The following DDX60 variants were observed in gnomAD, a reference collection of about 807,000 sequenced individuals.
DDX60 encodes DExD/H-box helicase 60, also known as probable ATP-dependent RNA helicase DDX60.
Under a neutral mutation model 212.8 loss-of-function variants are expected in DDX60, and 165 were observed. That is an observed-to-expected ratio of 0.78 (90% confidence interval 0.68 to 0.88). DDX60 has a LOEUF of 0.88. DDX60 is among the 40% of genes least tolerant of loss of function. DDX60 has a pLI of 0.00. For missense variants in DDX60, 1,905 were observed against 2,003.9 expected, an observed-to-expected ratio of 0.95 and a Z score of 0.94; for synonymous variants, 703 against 685.3, an observed-to-expected ratio of 1.03 and a Z score of -0.40.
chr4:168,261,443 A>G (rs1734619652), intron 24 of DDX60, among the ~76,000 whole-genome samples: 1 of 151,994 alleles, frequency 6.6e-6, no homozygotes, highest in Non-Finnish European at 1.5e-5. Flanking sequence ...TATTACAACA[A>G]AAAAAAATCC....
In DDX60 at chr4:168,272,290, A is replaced by C. The variant is rs917647361; in HGVS notation, c.2575-152T>G. 102 of 646,398 alleles carry C rather than the reference A, an allele frequency of 1.6e-4. No individual in the cohort carries two copies. The African/African-American group carries it at 1.8e-3, about 11-fold the overall frequency. The allele number at this position is 646,398 out of a possible 1,614,324, so 40.0% of individuals were successfully genotyped here. On this transcript the variant is annotated intron_variant, in intron 18 of 37. Transcript: ENST00000393743. ...GCTTCTGAGAATTCAGGGTTTCATC[A>C]AAACTGTGCTATATTCATTGGAACC...
chr4:168,279,730 G>A (rs371876671), intron 14 of DDX60, among the ~76,000 whole-genome samples: 6 of 152,312 alleles, frequency 3.9e-5, no homozygotes, highest in Middle Eastern at 6.8e-3. Context: ...ACATATTGAA[G>A]TTCATTAGGA....
Position 168,216,982 on chromosome 4 carries a change from G to A in DDX60, c.5090C>T (p.Ala1697Val). 2.5e-6 allele frequency: 4 copies of A among 1,606,028 alleles called. No homozygotes were observed. Among genetic ancestry groups the A allele is most frequent in the Non-Finnish European group, 3.4e-6 (4 of 1,177,564 alleles). Residue 1697 changes from alanine to valine, a missense_variant, in exon 38 of 38, where the codon GCC becomes GTC. Physicochemically the swap from Ala to Val is moderately conservative, Grantham distance 64. Transcript: ENST00000393743. ...CENEDDNVVL[A>V]FEQLSTTFWE... is the part of the protein sequence containing the mutation. ...AAAAGTTGTACTCAGTTGTTCAAAG[G>A]CTAAGACAACGTTGTCGTCTTCATT...
chr4:168,248,312 A>G lies in DDX60; in HGVS notation c.3859-20T>C. On this transcript the variant is annotated intron_variant, in intron 28 of 37. Transcript: ENST00000393743. ...CACCACCTTGAAAGAGAATAAAACAATTACTTCATAAAATAGCATTTTAAT... is the reference window on the plus strand; with the variant it reads ...CACCACCTTGAAAGAGAATAAAACAGTTACTTCATAAAATAGCATTTTAAT... 6.6e-7 allele frequency: 1 copy of G among 1,521,550 alleles called. No individual in the cohort carries two copies. Among genetic ancestry groups the G allele is most frequent in the East Asian group, 2.3e-5 (1 of 42,892 alleles). 94.3% of individuals were successfully genotyped at this position (1,521,550 alleles called of 1,614,324 possible). A position where few individuals can be genotyped will look rare whatever the true frequency, so the allele number is the denominator to read the frequency against.
rs3805396 is a variant in DDX60, at chr4:168,237,380, T to C, written c.4317A>G (p.Val1439=). ...EGNPMGFAGL[V]SHLHYHEPSN... ...AAGGTTCATGATAATGCAAATGTGA[T>C]ACAAGTCCAGCAAACCCCATAGGAT... Residue 1439 remains valine, a synonymous_variant, in exon 32 of 38, where the codon GTA becomes GTG. Transcript: ENST00000393743. The C allele has an allele frequency of 0.06, 96,072 of 1,596,840 alleles. 3,901 individuals carry two copies. Among genetic ancestry groups the C allele is most frequent in the East Asian group, 0.17 (7,655 of 43,918 alleles).
chr4:168,307,949 T>C, intron 4 of DDX60, 57 bp downstream of exon 4: 1 of 1,041,960 alleles, frequency 9.6e-7, no homozygotes, highest in South Asian at 2.4e-5. Context: ...TATAATAATT[T>C]AGGAAATTTT....
At chr4:168,285,141 C>T (rs1735765710) in intron 11 of DDX60, among the ~76,000 whole-genome samples, 1 of 152,140 alleles carries the variant, frequency 6.6e-6, no homozygotes, top group Non-Finnish European at 1.5e-5. Flanking sequence ...TCAATATCAA[C>T]TAATAGGCAT....
intron 29 of DDX60, 145 bp downstream of exon 29, chr4:168,248,043 C>G (rs1454600796): frequency 3.9e-6 from 2 of 516,198 alleles, no homozygotes; most frequent in Non-Finnish European, 6.6e-6. Flanking sequence ...TATACCACAA[C>G]TAAAACTGAA....
At chr4:168,307,474 C>T (rs1267140391) in intron 4 of DDX60, among the ~76,000 whole-genome samples, 3 of 152,098 alleles carry the variant, frequency 2.0e-5, no homozygotes, top group Admixed American at 6.6e-5. Context: ...GACTGGGTCT[C>T]ACTATGTCAC....
chr4:168,225,744 A>G, intron 33 of DDX60, 68 bp from the exon 34 acceptor site: 2 of 1,385,476 alleles, frequency 1.4e-6, no homozygotes, highest in South Asian at 2.5e-5. Context: ...TCGTTGGAAG[A>G]AGAAAGGTAA....
At chr4:168,313,602 C>T (rs1737235990) in intron 1 of DDX60, among the ~76,000 whole-genome samples, 1 of 152,066 alleles carries the variant, frequency 6.6e-6, no homozygotes, top group Non-Finnish European at 1.5e-5. Context: ...ACTGAACAGG[C>T]AAGAGAGAAT....
In DDX60 at chr4:168,216,942, G is replaced by C; in HGVS notation, c.5130C>G (p.Asn1710Lys). ...TGCATAGACTTTGTTTTTAGACTTT[G>C]TTTAACTTTTCCCAAAAAGTTGTAC... ...QLSTTFWEKL[N>K]KV is the part of the protein sequence containing the mutation. Residue 1710 changes from asparagine to lysine, a missense_variant, in exon 38 of 38, where the codon AAC becomes AAG. Asn to Lys is a moderately conservative substitution (Grantham distance 94, BLOSUM62 0). Transcript: ENST00000393743. The C allele has an allele frequency of 6.3e-7, 1 of 1,595,488 alleles. No homozygotes were observed. The highest frequency in any genetic ancestry group is 1.1e-5 in the South Asian group (1 of 87,036).
intron 1 of DDX60, among the ~76,000 whole-genome samples, chr4:168,313,662 T>C (rs1417499906): frequency 6.6e-6 from 1 of 152,160 alleles, no homozygotes; most frequent in Non-Finnish European, 1.5e-5. Context: ...CATCAGATTC[T>C]ACAAGATGAA....
intron 30 of DDX60, among the ~76,000 whole-genome samples, chr4:168,240,970 G>A (rs964833714): frequency 8.5e-5 from 13 of 152,202 alleles, no homozygotes; most frequent in Non-Finnish European, 1.6e-4. Context: ...TGTCATAGAA[G>A]GAACCCAGTG....
In DDX60 at chr4:168,248,214, A is replaced by G. The variant is rs749379028; in HGVS notation, c.3937T>C (p.Tyr1313His). 6.2e-7 allele frequency: 1 copy of G among 1,611,058 alleles called. No homozygotes were observed. The highest frequency in any genetic ancestry group is 8.5e-7 in the Non-Finnish European group (1 of 1,179,028). ...KSVVFAQNSV[Y>H]LDALNYRQMS... ...TGTCTATAATTCAACGCATCCAGAT[A>G]GACTGAGTTTTGAGCAAAAACCACA... is the stretch of plus-strand genomic sequence containing the variant. The change falls in exon 29 of 38, where the codon TAT (tyrosine) becomes CAT (histidine). Residue 1313 changes from tyrosine to histidine, a missense_variant. Coordinates refer to ENST00000393743, the MANE Select transcript of DDX60 (RefSeq NM_017631.6).
At position 168,297,648 on chromosome 4, in the gene DDX60, G is replaced by A. The variant is rs181657801; in HGVS notation, c.724-3703C>T. Among the ~76,000 whole-genome samples the A allele has an allele frequency of 7.7e-3, 1,175 of 152,240 alleles. 10 individuals are homozygous for A. The highest frequency in any genetic ancestry group is 0.01 in the Non-Finnish European group (688 of 68,008). ...TATCAAAAACAAAACTGGGCCAGGT[G>A]CGGTGGCTCATGCCTATAATCCCAG... is the stretch of plus-strand genomic sequence containing the variant. On this transcript the variant is annotated intron_variant, in intron 6 of 37. Transcript: ENST00000393743.
At chr4:168,282,841 T>C (rs1735652515) in intron 13 of DDX60, among the ~76,000 whole-genome samples, 1 of 152,162 alleles carries the variant, frequency 6.6e-6, no homozygotes, top group African/African-American at 2.4e-5. Context: ...CTATTAGTAT[T>C]ATTATTCCAG....
In DDX60 at chr4:168,224,342, A is replaced by T. The variant is rs755442338; in HGVS notation, c.4725T>A (p.His1575Gln). 6.2e-7 allele frequency: 1 copy of T among 1,612,116 alleles called. No homozygotes were observed. The highest frequency in any genetic ancestry group is 8.5e-7 in the Non-Finnish European group (1 of 1,178,656). ...KECEDSQLVSHLMSCKEGRVA... is the reference protein window; with the variant it reads ...KECEDSQLVSQLMSCKEGRVA... ...CTCTTCCTTCCTTGCAGCTCATCAAATGAGATACGAGTTGAGAGTCTTCAC... is the reference window on the plus strand; with the variant it reads ...CTCTTCCTTCCTTGCAGCTCATCAATTGAGATACGAGTTGAGAGTCTTCAC... Residue 1575 changes from histidine (H) to glutamine (Q), a missense_variant, in exon 35 of 38, where the codon CAT (histidine) becomes CAA (glutamine). Transcript: ENST00000393743.
rs761974131 is a variant in DDX60, at chr4:168,261,004, A to T, written c.3274-15T>A. 1.9e-6 allele frequency: 3 copies of T among 1,585,676 alleles called. No homozygotes were observed. The highest frequency in any genetic ancestry group is 2.4e-5 in the South Asian group (2 of 84,358). Reference sequence around the variant, plus strand: ...ACCATTCTGGCCTGTAGTGGTGAATACAAAACAATTTTAAGTTCTGCATGA... The same window carrying T: ...ACCATTCTGGCCTGTAGTGGTGAATTCAAAACAATTTTAAGTTCTGCATGA... On this transcript the variant is annotated splice_polypyrimidine_tract_variant and intron_variant, in intron 24 of 37. Coordinates refer to ENST00000393743, the MANE Select transcript of DDX60 (RefSeq NM_017631.6).
Sources: allele counts gnomAD v4.1 joint callset (sites outside exome capture counted in the v4.1 genomes callset), GRCh38; gene constraint gnomAD v4.1.1; transcripts MANE v1.5; gene names NCBI Gene and HGNC (gene_info 2026-07-23, HGNC 2026-07-21).